The following ZBTB7C variants were observed in gnomAD, a reference collection of about 807,000 sequenced individuals.
ZBTB7C encodes the protein zinc finger and BTB domain containing 7C, also known as zinc finger and BTB domain-containing protein 7C.
In ZBTB7C, 8 loss-of-function variants were observed where a neutral mutation model predicts 25.7. That is an observed-to-expected ratio of 0.31 (90% confidence interval 0.18 to 0.56). ZBTB7C has a LOEUF of 0.56. Among genes scored for constraint, ZBTB7C ranks in the 20% least tolerant of loss-of-function variants. The pLI, the probability that ZBTB7C is intolerant of heterozygous loss-of-function variation, is 0.91. For synonymous variants in ZBTB7C, 394 were observed against 369.0 expected, an observed-to-expected ratio of 1.07 and a Z score of -0.78; for missense variants, 824 against 855.2, an observed-to-expected ratio of 0.96 and a Z score of 0.46.
At chr18:48,108,469 G>C (rs569242021) in intron 3 of ZBTB7C, among the ~76,000 whole-genome samples, 1 of 152,308 alleles carries the variant, frequency 6.6e-6, no homozygotes, top group South Asian at 2.1e-4. Flanking sequence ...GTCTCACTCT[G>C]TTGCCCAGGC....
chr18:48,366,083 A>G (rs1320932798), intron 1 of ZBTB7C, among the ~76,000 whole-genome samples: 2 of 152,236 alleles, frequency 1.3e-5, no homozygotes, highest in Non-Finnish European at 2.9e-5. Flanking sequence ...CTAAAAGTGT[A>G]CCTTCCCTTA....
intron 2 of ZBTB7C, among the ~76,000 whole-genome samples, chr18:48,219,070 C>A (rs1455234767): frequency 1.3e-5 from 2 of 152,212 alleles, no homozygotes; most frequent in African/African-American, 4.8e-5. Flanking sequence ...CAAGCCCCTT[C>A]CCATCTATCG....
At chr18:48,039,874 C>T (rs2036138834) in intron 4 of ZBTB7C, 26 bp downstream of exon 4, 1 of 1,606,086 alleles carries the variant, frequency 6.2e-7, no homozygotes, top group Non-Finnish European at 8.5e-7. Context: ...GCCCCGTGCC[C>T]CACACCCGAG....
chr18:48,293,162 C>CA (rs768562259), intron 2 of ZBTB7C, among the ~76,000 whole-genome samples: 12 of 152,212 alleles, frequency 7.9e-5, no homozygotes, highest in Non-Finnish European at 1.6e-4. Flanking sequence ...TGGGTGGCTT[C>CA]AAAACTAGAA....
chr18:48,389,189 ACTCTCTCTCTCT>A lies in ZBTB7C; in HGVS notation c.-304+20025_-304+20036del, dbSNP rs757520664. On this transcript the variant is annotated intron_variant, in intron 1 of 4. Transcript: ENST00000590800. ...ATGGAGTGATGTTCAGAGCCCTTTA[ACTCTCTCTCTCT>A]CTCTCTCTCTCTCTCTCTCTCTCTC... Among the ~76,000 whole-genome samples the A allele has an allele frequency of 2.9e-3, 187 of 64,110 alleles. 1 individual carries two copies. The highest frequency in any genetic ancestry group is 0.011 in the Middle Eastern group (1 of 92). The allele number at this position is 64,110 out of a possible 152,430, so 42.1% of individuals were successfully genotyped here.
At chr18:48,338,637 C>T (rs894318369) in intron 1 of ZBTB7C, among the ~76,000 whole-genome samples, 9 of 152,112 alleles carry the variant, frequency 5.9e-5, no homozygotes, top group African/African-American at 2.2e-4. Context: ...ACACACACGC[C>T]CTTCATTCCT....
Position 48,028,295 on chromosome 18 carries a change from C to T in ZBTB7C, c.*965G>A, listed in dbSNP as rs1017559899. On this transcript the variant is annotated 3_prime_UTR_variant, in exon 5 of 5. Coordinates refer to ENST00000590800, the MANE Select transcript of ZBTB7C (RefSeq NM_001318841.2). Reference sequence around the variant, plus strand: ...ATGGGGGTAAACATTAAATAGCGCCCCCAGGAGTCCAGACATGAACAGCGG... The same window carrying T: ...ATGGGGGTAAACATTAAATAGCGCCTCCAGGAGTCCAGACATGAACAGCGG... 3 of 152,096 alleles carry T rather than the reference C, an allele frequency of 2.0e-5. No individual in the cohort carries two copies. The highest frequency in any genetic ancestry group is 4.4e-5 in the Non-Finnish European group (3 of 68,062). 9.4% of individuals were successfully genotyped at this position (152,096 alleles called of 1,614,324 possible).
At chr18:48,353,673 G>A (rs2046913082) in intron 1 of ZBTB7C, among the ~76,000 whole-genome samples, 1 of 152,228 alleles carries the variant, frequency 6.6e-6, no homozygotes, top group African/African-American at 2.4e-5. Context: ...TTCTGGGGGT[G>A]GCGGGGGCAA....
intron 4 of ZBTB7C, among the ~76,000 whole-genome samples, chr18:48,036,890 A>G (rs1480470572): frequency 2.0e-5 from 3 of 152,282 alleles, no homozygotes; most frequent in Non-Finnish European, 2.9e-5. Flanking sequence ...GAAAACCTCA[A>G]CCTGGACAGA....
chr18:48,410,404 A>G (rs1214730947), upstream of ZBTB7C, among the ~76,000 whole-genome samples: 1 of 152,058 alleles, frequency 6.6e-6, no homozygotes, highest in Admixed American at 6.5e-5. Context: ...GAAGCGTCCA[A>G]TCACCGCGCA....
At position 48,310,424 on chromosome 18, in the gene ZBTB7C, C is replaced by A. The variant is rs560764070; in HGVS notation, c.-79+27750G>T. 3.9e-3 allele frequency among the ~76,000 whole-genome samples: 505 copies of A among 129,852 alleles called. 5 individuals carry two copies. The highest frequency in any genetic ancestry group is 0.012 in the African/African-American group (424 of 34,722). 85.2% of individuals were successfully genotyped at this position (129,852 alleles called of 152,430 possible). A position where few individuals can be genotyped will look rare whatever the true frequency, so the allele number is the denominator to read the frequency against. Reference sequence around the variant, plus strand: ...AAACCAGAAATATAAGTAGTGGATTCAGGTTTAAAAAAAAAAAAAACTACG... The same window carrying A: ...AAACCAGAAATATAAGTAGTGGATTAAGGTTTAAAAAAAAAAAAAACTACG... On this transcript the variant is annotated intron_variant, in intron 2 of 4. Coordinates refer to ENST00000590800, the MANE Select transcript of ZBTB7C (RefSeq NM_001318841.2).
chr18:48,111,551 G>A (rs2039239778), intron 3 of ZBTB7C, among the ~76,000 whole-genome samples: 1 of 152,184 alleles, frequency 6.6e-6, no homozygotes, highest in South Asian at 2.1e-4. Context: ...AGGGGAGGGA[G>A]GCAGAGGAGA....
At chr18:48,236,515 C>T (rs1304185045) in intron 2 of ZBTB7C, among the ~76,000 whole-genome samples, 2 of 152,194 alleles carry the variant, frequency 1.3e-5, no homozygotes, top group East Asian at 1.9e-4. Flanking sequence ...TTCAGGATTT[C>T]GTTTGAGCTG....
intron 2 of ZBTB7C, among the ~76,000 whole-genome samples, chr18:48,285,731 AT>A (rs940605083): frequency 1.8e-4 from 28 of 151,680 alleles, no homozygotes; most frequent in East Asian, 9.7e-4. Flanking sequence ...GCCCTAAAAC[AT>A]TTTTTTTCAA....
At chr18:48,059,849 G>GGTCCCCA (rs2037058145) in intron 3 of ZBTB7C, among the ~76,000 whole-genome samples, 1 of 152,044 alleles carries the variant, frequency 6.6e-6, no homozygotes, top group African/African-American at 2.4e-5. Flanking sequence ...GCTGCCTCCT[G>GGTCCCCA]GTCCCCAGTC....
At chr18:48,391,388 A>G (rs2047899971) in intron 1 of ZBTB7C, among the ~76,000 whole-genome samples, 1 of 152,260 alleles carries the variant, frequency 6.6e-6, no homozygotes, top group Non-Finnish European at 1.5e-5. Flanking sequence ...GTTCAACTTC[A>G]AATGGTCCAG....
At chr18:48,269,030 G>C (rs149843612) in intron 2 of ZBTB7C, among the ~76,000 whole-genome samples, 1 of 141,902 alleles carries the variant, frequency 7.0e-6, no homozygotes, top group African/African-American at 2.6e-5. Flanking sequence ...GTACACTCTT[G>C]GCTCACTGCA....
intron 3 of ZBTB7C, among the ~76,000 whole-genome samples, chr18:48,140,144 A>C (rs1332012196): frequency 2.6e-5 from 4 of 152,248 alleles, no homozygotes; most frequent in South Asian, 4.1e-4. Flanking sequence ...GCACATAAGC[A>C]AACATGCTAC....
intron 2 of ZBTB7C, among the ~76,000 whole-genome samples, chr18:48,302,834 C>CT (rs1324635216): frequency 6.6e-6 from 1 of 152,244 alleles, no homozygotes; most frequent in Non-Finnish European, 1.5e-5. Flanking sequence ...CTTTGCAGTT[C>CT]TGTGCTGCTG....
Sources: allele counts gnomAD v4.1 joint callset (sites outside exome capture counted in the v4.1 genomes callset), GRCh38; gene constraint gnomAD v4.1.1; transcripts MANE v1.5; gene names NCBI Gene and HGNC (gene_info 2026-07-23, HGNC 2026-07-21).